Variants in SPIDR observed in about 807,000 individuals in gnomAD.
SPIDR encodes the protein scaffold protein involved in DNA repair, also known as DNA repair-scaffolding protein.
In SPIDR, 93 loss-of-function variants were observed where a neutral mutation model predicts 104.6. The observed-to-expected ratio is 0.89, with a 90% CI of 0.75 to 1.06. SPIDR has a LOEUF of 1.06. SPIDR is among the 50% of genes least tolerant of loss of function. The pLI, the probability that SPIDR is intolerant of heterozygous loss-of-function variation, is 0.00. For synonymous variants in SPIDR, 431 were observed against 416.9 expected (o/e 1.03, Z -0.41); for missense variants, 1,154 against 1,111.2 (o/e 1.04, Z -0.55).
chr8:47,661,610 A>G (rs2154463642), intron 10 of SPIDR, among the ~76,000 whole-genome samples: 1 of 152,364 alleles, frequency 6.6e-6, no homozygotes, highest in South Asian at 2.1e-4. Context: ...CCAATATTTC[A>G]GAGCTTACTA....
intron 10 of SPIDR, among the ~76,000 whole-genome samples, chr8:47,644,611 T>C (rs538681541): frequency 1.3e-5 from 2 of 152,308 alleles, no homozygotes; most frequent in South Asian, 4.2e-4. Context: ...CTTTTCTCAT[T>C]TGTAAAATGG....
chr8:47,606,615 G>A (rs1204773970), intron 10 of SPIDR, among the ~76,000 whole-genome samples: 3 of 152,204 alleles, frequency 2.0e-5, no homozygotes, highest in African/African-American at 7.2e-5. Flanking sequence ...TGAGGAACAT[G>A]CACTAGTAGA....
intron 8 of SPIDR, among the ~76,000 whole-genome samples, chr8:47,579,834 C>T (rs937131631): frequency 6.6e-6 from 1 of 152,162 alleles, no homozygotes; most frequent in African/African-American, 2.4e-5. Context: ...GTTGGTTCCT[C>T]CAGGGTTGAT....
chr8:47,701,688 C>T (rs2080209819), intron 12 of SPIDR, 33 bp from the exon 13 acceptor site: 1 of 1,603,918 alleles, frequency 6.2e-7, no homozygotes, highest in African/African-American at 1.3e-5. Flanking sequence ...TTTAACAATA[C>T]ATTCACCTTC....
intron 8 of SPIDR, among the ~76,000 whole-genome samples, chr8:47,457,316 G>A (rs1554710411): frequency 6.6e-6 from 1 of 152,086 alleles, no homozygotes; most frequent in Non-Finnish European, 1.5e-5. Flanking sequence ...GAAGTAAGGT[G>A]GTACCGCATT....
intron 7 of SPIDR, among the ~76,000 whole-genome samples, chr8:47,420,466 T>G (rs1216645487): frequency 1.3e-5 from 2 of 152,110 alleles, no homozygotes; most frequent in Non-Finnish European, 2.9e-5. Context: ...TCCATTTGCT[T>G]TTAGATCTTC....
Position 47,425,642 on chromosome 8 carries a change from A to G in SPIDR, c.878-14681A>G, listed in dbSNP as rs147780820. On this transcript the variant is annotated intron_variant, in intron 7 of 19. Transcript: ENST00000297423. ...TTGTGTAATAGATTTTAAATGTTCC[A>G]TATTTTAAATATTTTTTCTTGTATA... is the stretch of plus-strand genomic sequence containing the variant. 2.8e-3 allele frequency among the ~76,000 whole-genome samples: 421 copies of G among 152,326 alleles called. 1 individual carries two copies. Among genetic ancestry groups the G allele is most frequent in the African/African-American group, 9.9e-3 (411 of 41,586 alleles).
chr8:47,413,125 G>T (rs2063766219), intron 7 of SPIDR, among the ~76,000 whole-genome samples: 1 of 152,204 alleles, frequency 6.6e-6, no homozygotes, highest in Admixed American at 6.5e-5. Context: ...GTGGTGGATG[G>T]TGAACTATCA....
At chr8:47,397,884 G>A (rs1426717221) in intron 6 of SPIDR, among the ~76,000 whole-genome samples, 2 of 152,132 alleles carry the variant, frequency 1.3e-5, no homozygotes, top group South Asian at 2.1e-4. Context: ...GTGGGGGTCC[G>A]AATAAACAGA....
intron 5 of SPIDR, chr8:47,294,298 G>T: frequency 2.9e-6 from 1 of 343,452 alleles, no homozygotes; most frequent in Non-Finnish European, 5.2e-6. Context: ...TTCTTCCAGT[G>T]CAGATATATC....
chr8:47,444,977 G>T (rs1013584925), intron 8 of SPIDR, among the ~76,000 whole-genome samples: 2 of 152,148 alleles, frequency 1.3e-5, no homozygotes, highest in Admixed American at 6.5e-5. Context: ...TCGCTTTTAG[G>T]AACTGTTTTA....
intron 7 of SPIDR, among the ~76,000 whole-genome samples, chr8:47,437,009 A>T (rs1554692494): frequency 6.6e-6 from 1 of 152,226 alleles, no homozygotes; most frequent in Non-Finnish European, 1.5e-5. Flanking sequence ...AGCCAACATC[A>T]TAAAATGTTA....
chr8:47,681,136 C>T (rs2077046667), intron 11 of SPIDR, among the ~76,000 whole-genome samples: 1 of 152,218 alleles, frequency 6.6e-6, no homozygotes, highest in Non-Finnish European at 1.5e-5. Context: ...CAGTAGACAC[C>T]TTCTACCTGA....
At chr8:47,314,778 A>G in intron 5 of SPIDR, among the ~76,000 whole-genome samples, 1 of 152,192 alleles carries the variant, frequency 6.6e-6, no homozygotes, top group African/African-American at 2.4e-5. Context: ...CAAACTTACA[A>G]ACCTAGGTCA....
Position 47,260,987 on chromosome 8 carries a change from C to A in SPIDR, c.29C>A (p.Ser10Tyr). 3 of 1,229,870 alleles carry A rather than the reference C, an allele frequency of 2.4e-6. No individual in the cohort carries two copies. The highest frequency in any genetic ancestry group is 3.0e-6 in the Non-Finnish European group (3 of 986,492). The allele number at this position is 1,229,870 out of a possible 1,614,324, so 76.2% of individuals were successfully genotyped here. MPRGSRARG[S>Y]KRKRSWNTEC... ...CCCCGCGGCAGCCGCGCTCGGGGCT[C>A]TAAGGTAGGCTCTGGGGCGGGAGTG... is the stretch of plus-strand genomic sequence containing the variant. Residue 10 changes from serine to tyrosine, a missense_variant, in exon 1 of 20, where the codon TCT (serine) becomes TAT (tyrosine). Coordinates refer to ENST00000297423, the MANE Select transcript of SPIDR (RefSeq NM_001080394.4).
intron 8 of SPIDR, among the ~76,000 whole-genome samples, chr8:47,442,595 C>G (rs782666130): frequency 5.9e-5 from 9 of 152,192 alleles, no homozygotes; most frequent in South Asian, 4.1e-4. Context: ...TGTCTTCCCT[C>G]CTTCAGAAAT....
chr8:47,453,406 C>T (rs2072276617), intron 8 of SPIDR, among the ~76,000 whole-genome samples: 1 of 152,134 alleles, frequency 6.6e-6, no homozygotes, highest in South Asian at 2.1e-4. Flanking sequence ...CCCGCATTGC[C>T]AAGAGAATTT....
intron 10 of SPIDR, among the ~76,000 whole-genome samples, chr8:47,645,064 C>G (rs2070051233): frequency 6.6e-6 from 1 of 152,132 alleles, no homozygotes; most frequent in Non-Finnish European, 1.5e-5. Flanking sequence ...GACTTCATTC[C>G]AAGGACAGTG....
intron 11 of SPIDR, among the ~76,000 whole-genome samples, chr8:47,683,391 T>A (rs767461092): frequency 1.3e-5 from 2 of 152,140 alleles, no homozygotes; most frequent in Non-Finnish European, 2.9e-5. Context: ...TGGGTGAACA[T>A]CCCCCTCATC....
Sources: allele counts gnomAD v4.1 joint callset (sites outside exome capture counted in the v4.1 genomes callset), GRCh38; gene constraint gnomAD v4.1.1; transcripts MANE v1.5; gene names NCBI Gene and HGNC (gene_info 2026-07-23, HGNC 2026-07-21).